Variants in ACADSB observed in about 807,000 individuals in gnomAD.
The protein encoded by ACADSB is short/branched chain specific acyl-CoA dehydrogenase, mitochondrial.
Under a neutral mutation model 54.1 loss-of-function variants are expected in ACADSB, and 40 were observed. The observed-to-expected ratio is 0.74, with a 90% CI of 0.57 to 0.96. The LOEUF (loss-of-function observed/expected upper bound fraction) is 0.96, where lower values mean the gene tolerates loss of function less well. Ranked by LOEUF, ACADSB falls within the 40% of genes least tolerant of loss-of-function variation. The pLI is 0.00. For synonymous variants in ACADSB, 182 were observed against 182.8 expected (o/e 1.00, Z 0.03); for missense variants, 530 against 510.4 (o/e 1.04, Z -0.37).
At chr10:123,010,977 G>T (rs1850026709) in intron 1 of ACADSB, among the ~76,000 whole-genome samples, 1 of 152,168 alleles carries the variant, frequency 6.6e-6, no homozygotes, top group African/African-American at 2.4e-5. Flanking sequence ...GAGTTTAGGA[G>T]GGGAAAGGAG....
At position 123,054,937 on chromosome 10, in the gene ACADSB, T is replaced by C. The variant is rs1850684687; in HGVS notation, c.*1172T>C. On this transcript the variant is annotated 3_prime_UTR_variant, in exon 11 of 11. Transcript: ENST00000358776. ...CAGAAATTGGGTTTTGGTTCAGTGATTCTCAAGAAAAAGATCTCTTGCCCA... is the reference window on the plus strand; with the variant it reads ...CAGAAATTGGGTTTTGGTTCAGTGACTCTCAAGAAAAAGATCTCTTGCCCA... 6.6e-6 allele frequency: 1 copy of C among 152,214 alleles called. No homozygotes were observed. Among genetic ancestry groups the C allele is most frequent in the South Asian group, 2.1e-4 (1 of 4,828 alleles). 9.4% of individuals were successfully genotyped at this position (152,214 alleles called of 1,614,324 possible). A position where few individuals can be genotyped will look rare whatever the true frequency, so the allele number is the denominator to read the frequency against.
chr10:123,032,247 C>T (rs897218946), intron 1 of ACADSB, among the ~76,000 whole-genome samples: 1 of 151,912 alleles, frequency 6.6e-6, no homozygotes, highest in East Asian at 1.9e-4. Context: ...CCAAAGTGCT[C>T]GGACTACAGG....
At chr10:123,030,339 AAC>A (rs1296449752) in intron 1 of ACADSB, among the ~76,000 whole-genome samples, 2 of 152,136 alleles carry the variant, frequency 1.3e-5, no homozygotes, top group African/African-American at 4.8e-5. Flanking sequence ...CAGCCTGGCC[AAC>A]ACAGTGAAAC....
chr10:123,045,968 C>CA (rs1230420908), intron 7 of ACADSB, among the ~76,000 whole-genome samples: 2 of 152,128 alleles, frequency 1.3e-5, no homozygotes, highest in African/African-American at 4.8e-5. Context: ...ACCTTGCAGG[C>CA]AGAGAGAATT....
In ACADSB at chr10:123,037,774, C is replaced by T; in HGVS notation, c.230C>T (p.Ala77Val). 2 of 1,612,086 alleles carry T rather than the reference C, an allele frequency of 1.2e-6. No individual in the cohort carries two copies. Among genetic ancestry groups the T allele is most frequent in the Non-Finnish European group, 1.7e-6 (2 of 1,178,352 alleles). The change falls in exon 3 of 11, where the codon GCA becomes GTA. Residue 77 changes from alanine to valine, a missense_variant. Transcript: ENST00000358776. ...SVKKFAQEQIAPLVSTMDENS... is the reference protein window; with the variant it reads ...SVKKFAQEQIVPLVSTMDENS... ...AAAAAATTTGCTCAGGAACAAATTG[C>T]ACCTTTGGTTTCAACCATGGATGAA...
intron 1 of ACADSB, among the ~76,000 whole-genome samples, chr10:123,013,548 CA>C (rs1324586423): frequency 6.6e-6 from 1 of 152,236 alleles, no homozygotes; most frequent in African/African-American, 2.4e-5. Flanking sequence ...TGCAGTGGAG[CA>C]GGGGGTGGCG....
At chr10:123,012,411 G>A (rs1850048151) in intron 1 of ACADSB, among the ~76,000 whole-genome samples, 1 of 152,200 alleles carries the variant, frequency 6.6e-6, no homozygotes, top group South Asian at 2.1e-4. Context: ...GGGGCCTAAT[G>A]GGAAGTGTTT....
chr10:123,053,593 TA>T, intron 10 of ACADSB, 101 bp from the exon 11 acceptor site: 1 of 975,832 alleles, frequency 1.0e-6, no homozygotes, highest in Non-Finnish European at 1.7e-6. Context: ...ATGTGACTAG[TA>T]ACTGTTTTAT....
intron 5 of ACADSB, 85 bp downstream of exon 5, chr10:123,041,464 A>G: frequency 7.7e-6 from 11 of 1,436,492 alleles, no homozygotes; most frequent in Non-Finnish European, 9.8e-6. Context: ...TTTCCTTTTT[A>G]GGACTTCATC....
At chr10:123,013,959 C>G (rs1057087962) in intron 1 of ACADSB, among the ~76,000 whole-genome samples, 1 of 152,222 alleles carries the variant, frequency 6.6e-6, no homozygotes, top group African/African-American at 2.4e-5. Context: ...CACGGTGCAG[C>G]GGTGGGCTGA....
At chr10:123,045,734 C>T (rs952989737) in intron 7 of ACADSB, among the ~76,000 whole-genome samples, 2 of 152,100 alleles carry the variant, frequency 1.3e-5, no homozygotes, top group African/African-American at 4.8e-5. Context: ...TCAACTTAGA[C>T]ATGACATTAG....
At chr10:123,051,699 A>G (rs559337849) in intron 9 of ACADSB, among the ~76,000 whole-genome samples, 1 of 152,212 alleles carries the variant, frequency 6.6e-6, no homozygotes, top group African/African-American at 2.4e-5. Flanking sequence ...CATTAGACTG[A>G]GGCTAGAGAA....
chr10:123,011,609 C>T (rs1462032963), intron 1 of ACADSB, among the ~76,000 whole-genome samples: 2 of 151,626 alleles, frequency 1.3e-5, no homozygotes, highest in African/African-American at 4.9e-5. Flanking sequence ...TCACTGTAAC[C>T]TATGCCACCC....
At chr10:123,017,941 C>T (rs558455091) in intron 1 of ACADSB, among the ~76,000 whole-genome samples, 2 of 152,266 alleles carry the variant, frequency 1.3e-5, no homozygotes, top group South Asian at 4.1e-4. Flanking sequence ...TTTAATCATG[C>T]AGATGAAGCC....
In ACADSB at chr10:123,052,404, C is replaced by G. The variant is rs1198291103; in HGVS notation, c.1129-657C>G. Among the ~76,000 whole-genome samples the G allele has an allele frequency of 2.0e-5, 3 of 152,198 alleles. No homozygotes were observed. The highest frequency in any genetic ancestry group is 7.2e-5 in the African/African-American group (3 of 41,462). ...TCAGATCTCTCTCTGACTCTGCTTC[C>G]TGTCTCCATGGTCACGTCACCTTCC... On this transcript the variant is annotated intron_variant, in intron 9 of 10. Coordinates refer to ENST00000358776, the MANE Select transcript of ACADSB (RefSeq NM_001609.4). The surrounding 1 kb of genome is among the most constrained non-coding windows in gnomAD (Gnocchi z 4.2).
intron 1 of ACADSB, among the ~76,000 whole-genome samples, chr10:123,013,487 T>C (rs1850067392): frequency 6.6e-6 from 1 of 152,242 alleles, no homozygotes; most frequent in South Asian, 2.1e-4. Flanking sequence ...CCTGCCAGTC[T>C]CGCGCCTCGT....
chr10:123,023,085 A>G (rs1428218826), intron 1 of ACADSB, among the ~76,000 whole-genome samples: 1 of 152,168 alleles, frequency 6.6e-6, no homozygotes, highest in Non-Finnish European at 1.5e-5. Flanking sequence ...ATACACAGAT[A>G]TTTTTACCGA....
At chr10:123,024,229 G>C (rs1462433703) in intron 1 of ACADSB, among the ~76,000 whole-genome samples, 1 of 152,262 alleles carries the variant, frequency 6.6e-6, no homozygotes, top group African/African-American at 2.4e-5. Context: ...CAGTCAAATA[G>C]AGGAAGGGAA....
intron 1 of ACADSB, among the ~76,000 whole-genome samples, chr10:123,014,428 G>A (rs1341712594): frequency 6.6e-6 from 1 of 152,178 alleles, no homozygotes; most frequent in Non-Finnish European, 1.5e-5. Context: ...TCAAAATCCT[G>A]GACTCAAGTG....
Sources: allele counts gnomAD v4.1 joint callset (sites outside exome capture counted in the v4.1 genomes callset), GRCh38; gene constraint gnomAD v4.1.1; non-coding constraint Gnocchi (gnomAD v3.1); transcripts MANE v1.5; gene names NCBI Gene and HGNC (gene_info 2026-07-23, HGNC 2026-07-21).